Variants in RBFOX1 observed in about 807,000 individuals in gnomAD.
RBFOX1 encodes RNA binding protein fox-1 homolog 1.
A neutral mutation model predicts 57.7 loss-of-function variants in RBFOX1; 8 were observed. The observed-to-expected ratio is 0.14, with a 90% CI of 0.08 to 0.25. The LOEUF (loss-of-function observed/expected upper bound fraction) is 0.25, where lower values mean the gene tolerates loss of function less well. Ranked by LOEUF, RBFOX1 falls within the 10% of genes least tolerant of loss-of-function variation. The pLI, the probability that RBFOX1 is intolerant of heterozygous loss-of-function variation, is 1.00. For synonymous variants in RBFOX1, 326 were observed against 222.4 expected, an observed-to-expected ratio of 1.47 and a Z score of -4.15; for missense variants, 611 against 548.5, an observed-to-expected ratio of 1.11 and a Z score of -1.14.
intron 2 of RBFOX1, among the ~76,000 whole-genome samples, chr16:5,560,699 C>CT (rs1206914575): frequency 6.6e-6 from 1 of 152,182 alleles, no homozygotes; most frequent in Non-Finnish European, 1.5e-5. Flanking sequence ...TGCTCCACAT[C>CT]TTTTTTCTTA....
chr16:5,646,512 T>C lies in RBFOX1; in HGVS notation c.318+47551T>C, dbSNP rs186661856. Among the ~76,000 whole-genome samples, 62 of 152,194 alleles carry C rather than the reference T, an allele frequency of 4.1e-4. 2 individuals carry two copies. Among genetic ancestry groups the C allele is most frequent in the Admixed American group, 2.8e-3 (43 of 15,286 alleles). On this transcript the variant is annotated intron_variant, in intron 3 of 19. Transcript: ENST00000641259. The stretch of plus-strand genomic sequence containing the variant: ...ATACTGACTGTGACAATAGTGTGCA[T>C]TGTGTATGTAGGATGTGCAGGAGGA...
chr16:5,945,233 C>A (rs1020046852), intron 4 of RBFOX1, among the ~76,000 whole-genome samples: 2 of 152,118 alleles, frequency 1.3e-5, no homozygotes, highest in African/African-American at 4.8e-5. Context: ...AGCTGCCTGG[C>A]CCTTCGTGGG....
At chr16:7,148,096 C>A (rs115013059) in intron 4 of RBFOX1, among the ~76,000 whole-genome samples, 1 of 152,104 alleles carries the variant, frequency 6.6e-6, no homozygotes, top group African/African-American at 2.4e-5. Context: ...TAGTCACAGC[C>A]AATCTCTAGG....
chr16:5,796,336 C>T (rs1016277266), intron 3 of RBFOX1, among the ~76,000 whole-genome samples: 4 of 152,220 alleles, frequency 2.6e-5, no homozygotes, highest in Non-Finnish European at 5.9e-5. Context: ...GCTATGGCCA[C>T]GAGCAAGGAA....
chr16:6,965,687 A>G (rs2083984620), intron 3 of RBFOX1, among the ~76,000 whole-genome samples: 1 of 152,304 alleles, frequency 6.6e-6, no homozygotes, highest in Admixed American at 6.5e-5. Flanking sequence ...CAGTGACTAT[A>G]TTATCTGAAC....
intron 4 of RBFOX1, among the ~76,000 whole-genome samples, chr16:7,427,432 A>C (rs1396890804): frequency 2.6e-5 from 4 of 152,086 alleles, no homozygotes; most frequent in Non-Finnish European, 5.9e-5. Context: ...TGGTTTTGCA[A>C]AAATGCGAAA....
chr16:6,555,449 C>T (rs1425606618), intron 2 of RBFOX1, among the ~76,000 whole-genome samples: 1 of 152,232 alleles, frequency 6.6e-6, no homozygotes, highest in South Asian at 2.1e-4. Flanking sequence ...CCTGTAATCC[C>T]AGCACTTTGG....
At position 7,263,364 on chromosome 16, in the gene RBFOX1, A is replaced by G. The variant is rs1603458564; in HGVS notation, c.27+211266A>G. On this transcript the variant is annotated intron_variant, in intron 4 of 15. Transcript: ENST00000550418. Reference sequence around the variant, plus strand: ...GAAGCCCCAGAATTTCGATGTTCTCAGGAATCATCAGGAGACTAGAAGACA... The same window carrying G: ...GAAGCCCCAGAATTTCGATGTTCTCGGGAATCATCAGGAGACTAGAAGACA... Among the ~76,000 whole-genome samples, 4 of 152,260 alleles carry G rather than the reference A, an allele frequency of 2.6e-5. No homozygotes were observed. The East Asian group carries it at 7.8e-4, about 30-fold the overall frequency.
In RBFOX1 at chr16:7,386,445, G is replaced by C. The variant is rs1011384601; in HGVS notation, c.28-131702G>C. On this transcript the variant is annotated intron_variant, in intron 4 of 15. Transcript: ENST00000550418. ...CTCCCTGTGTCCATGTATTCTCATT[G>C]TTCACCTCCCACTTATGAGAACATG... 2.3e-5 allele frequency among the ~76,000 whole-genome samples: 3 copies of C among 130,534 alleles called. No individual in the cohort carries two copies. The South Asian group carries it at 7.1e-4, about 31-fold the overall frequency. 85.6% of individuals were successfully genotyped at this position (130,534 alleles called of 152,430 possible). A position where few individuals can be genotyped will look rare whatever the true frequency, so the allele number is the denominator to read the frequency against.
At chr16:5,942,184 A>G (rs1340365860) in intron 4 of RBFOX1, among the ~76,000 whole-genome samples, 4 of 152,206 alleles carry the variant, frequency 2.6e-5, no homozygotes, top group Non-Finnish European at 5.9e-5. Flanking sequence ...AGACGCAGCT[A>G]AATGGGAGAC....
rs75245261 is a variant in RBFOX1 at position 6,973,120 on chromosome 16, G to C, written c.-15-78937G>C. On this transcript the variant is annotated intron_variant, in intron 3 of 15. Transcript: ENST00000550418. ...CACTCCAGCCTGGGTGACGGAGCAA[G>C]ACTCCATTGTCTAAATAAATTAAAA... is the stretch of plus-strand genomic sequence containing the variant. 5.8e-3 allele frequency among the ~76,000 whole-genome samples: 877 copies of C among 150,172 alleles called. 3 individuals carry two copies. The highest frequency in any genetic ancestry group is 0.02 in the African/African-American group (814 of 40,916).
chr16:6,375,354 C>G (rs973057844), intron 2 of RBFOX1, among the ~76,000 whole-genome samples: 12 of 150,770 alleles, frequency 8.0e-5, no homozygotes, highest in Admixed American at 2.0e-4. Context: ...CAAAGAAAGC[C>G]AAAATAATTC....
intron 3 of RBFOX1, among the ~76,000 whole-genome samples, chr16:6,917,717 G>A (rs183444058): frequency 2.0e-5 from 3 of 152,272 alleles, no homozygotes; most frequent in East Asian, 1.9e-4. Flanking sequence ...CCTTTGCTTC[G>A]ATGGGAACCT....
At chr16:6,084,548 C>A (rs889700) in intron 1 of RBFOX1, among the ~76,000 whole-genome samples, 70,250 of 151,780 alleles carry the variant, frequency 0.46, 16,941 homozygotes, top group Non-Finnish European at 0.55. Context: ...CTGGCCCCTT[C>A]CTCATTCTTT....
In RBFOX1 at chr16:6,493,561, T is replaced by C. The variant is rs1007747440; in HGVS notation, c.-63-161042T>C. On this transcript the variant is annotated intron_variant, in intron 2 of 15. Coordinates refer to ENST00000550418, the MANE Select transcript of RBFOX1 (RefSeq NM_018723.4). ...CCACATGAATAGCTGTGTATGAAAA[T>C]TGTATTTTGTGCCGAATTTCCCACT... Among the ~76,000 whole-genome samples the C allele has an allele frequency of 3.3e-5, 5 of 152,326 alleles. No homozygotes were observed. The East Asian group carries it at 5.8e-4, about 18-fold the overall frequency.
chr16:6,820,234 G>A (rs12932155), intron 3 of RBFOX1, among the ~76,000 whole-genome samples: 3,082 of 152,088 alleles, frequency 0.02, 56 homozygotes, highest in Non-Finnish European at 0.03. Context: ...ACTGTGAGTC[G>A]ATTAAACCTT....
chr16:7,226,451 T>A (rs888591929), intron 4 of RBFOX1, among the ~76,000 whole-genome samples: 6 of 152,134 alleles, frequency 3.9e-5, no homozygotes, highest in Non-Finnish European at 8.8e-5. Context: ...GTGGGGTGTG[T>A]GTATGTGCAG....
At chr16:7,055,267 C>T (rs1034625954) in intron 4 of RBFOX1, among the ~76,000 whole-genome samples, 1 of 152,104 alleles carries the variant, frequency 6.6e-6, no homozygotes, top group Non-Finnish European at 1.5e-5. Flanking sequence ...GTTTATAGAA[C>T]ATACTCTTGA....
At chr16:6,092,488 G>C (rs1175836311) in intron 1 of RBFOX1, 1 of 152,182 alleles carries the variant, frequency 6.6e-6, no homozygotes, top group African/African-American at 2.4e-5. Flanking sequence ...CTGTGGACTA[G>C]ACATCTTCAC....
Sources: allele counts gnomAD v4.1 joint callset (sites outside exome capture counted in the v4.1 genomes callset), GRCh38; gene constraint gnomAD v4.1.1; transcripts MANE v1.5; gene names NCBI Gene and HGNC (gene_info 2026-07-23, HGNC 2026-07-21).